REV3L: variants seen among roughly 807,000 people sequenced by gnomAD.
REV3L encodes the protein DNA polymerase zeta catalytic subunit.
Under a neutral mutation model 299.4 loss-of-function variants are expected in REV3L, and 69 were observed. The observed-to-expected ratio is 0.23, with a 90% CI of 0.19 to 0.28. The LOEUF is 0.28. REV3L is among the 10% of genes least tolerant of loss of function. The pLI, the probability that REV3L is intolerant of heterozygous loss-of-function variation, is 1.00. For missense variants in REV3L, 3,128 were observed against 3,693.8 expected (o/e 0.85, Z 3.97); for synonymous variants, 1,238 against 1,271.4 (o/e 0.97, Z 0.56).
chr6:111,338,898 G>GT (rs1487846203), intron 21 of REV3L, among the ~76,000 whole-genome samples: 2 of 151,994 alleles, frequency 1.3e-5, no homozygotes, highest in African/African-American at 4.8e-5. Flanking sequence ...TCACATATTG[G>GT]TTGACAGCAC....
At chr6:111,474,710 A>G (rs1157313203) in intron 1 of REV3L, among the ~76,000 whole-genome samples, 1 of 152,178 alleles carries the variant, frequency 6.6e-6, no homozygotes, top group East Asian at 1.9e-4. Context: ...AAAGTTAAAA[A>G]CAGTATTGCA....
rs17510914 is a variant in REV3L at position 111,373,705 on chromosome 6, T to C, written c.4650A>G (p.Pro1550=). The change falls in exon 13 of 32, where the codon CCA becomes CCG. Residue 1550 remains proline (P), a synonymous_variant. Transcript: ENST00000368802. ...TATTTGGTTGATGTTTATTGGATAA[T>C]GGGTCTTGTGTAGTATTTGCATTTT... ...KAQNANTTQD[P]LSNKHQPNKN... 7.9e-4 allele frequency: 1,283 copies of C among 1,613,886 alleles called. 3 individuals carry two copies. Among genetic ancestry groups the C allele is most frequent in the Middle Eastern group, 2.8e-3 (17 of 6,060 alleles).
chr6:111,448,786 A>AT (rs367755463), intron 1 of REV3L, among the ~76,000 whole-genome samples: 69,026 of 133,440 alleles, frequency 0.52, 21,043 homozygotes, highest in Non-Finnish European at 0.7. Flanking sequence ...ACACTTGGCT[A>AT]TTTTTTTTTT....
chr6:111,399,575 C>T (rs1327717951), intron 4 of REV3L, among the ~76,000 whole-genome samples: 1 of 152,194 alleles, frequency 6.6e-6, no homozygotes, highest in African/African-American at 2.4e-5. Context: ...ATCTGTCTTT[C>T]CTTGCTTTTC....
chr6:111,403,281 A>G (rs6922226), intron 4 of REV3L, among the ~76,000 whole-genome samples: 95,779 of 152,114 alleles, frequency 0.63, 34,160 homozygotes, highest in Non-Finnish European at 0.81. Context: ...GATTTCTTTC[A>G]GAGGTGATGA....
intron 1 of REV3L, among the ~76,000 whole-genome samples, chr6:111,477,262 A>C (rs1230815451): frequency 6.6e-6 from 1 of 152,242 alleles, no homozygotes; most frequent in African/African-American, 2.4e-5. Context: ...TCCAAGAATT[A>C]ATAGACGAGT....
At chr6:111,328,992 C>A (rs1370499730) in intron 25 of REV3L, among the ~76,000 whole-genome samples, 1 of 152,138 alleles carries the variant, frequency 6.6e-6, no homozygotes, top group African/African-American at 2.4e-5. Context: ...GTCTCAAACT[C>A]CTGAGCTCAA....
intron 21 of REV3L, among the ~76,000 whole-genome samples, chr6:111,340,115 GGA>G (rs1431140225): frequency 6.6e-6 from 1 of 152,108 alleles, no homozygotes; most frequent in Non-Finnish European, 1.5e-5. Context: ...AAAGGAGACA[GGA>G]GAATCCCGAG....
intron 24 of REV3L, 32 bp downstream of exon 24, chr6:111,331,644 G>A (rs199588475): frequency 6.9e-7 from 1 of 1,456,570 alleles, no homozygotes; most frequent in Non-Finnish European, 9.6e-7. Context: ...TTAAGCCATA[G>A]TTGTTATCTT....
intron 1 of REV3L, among the ~76,000 whole-genome samples, chr6:111,475,615 T>C (rs766016353): frequency 3.5e-4 from 54 of 152,186 alleles, no homozygotes; most frequent in Non-Finnish European, 6.8e-4. Flanking sequence ...AAGTTGTACA[T>C]TTTTTCATAT....
intron 18 of REV3L, chr6:111,354,243 T>C (rs1467878477): frequency 2.0e-5 from 3 of 152,220 alleles, no homozygotes; most frequent in African/African-American, 7.2e-5. Context: ...ATCTGAATCT[T>C]TCTCATTTAT....
intron 1 of REV3L, among the ~76,000 whole-genome samples, chr6:111,446,930 C>T (rs190832714): frequency 2.4e-4 from 36 of 152,196 alleles, no homozygotes; most frequent in East Asian, 1.2e-3. Flanking sequence ...TGAATAACTT[C>T]GTGTAAATCT....
intron 1 of REV3L, among the ~76,000 whole-genome samples, chr6:111,438,036 T>C (rs1394511262): frequency 6.6e-6 from 1 of 151,690 alleles, no homozygotes; most frequent in Non-Finnish European, 1.5e-5. Context: ...TTATTTTTAT[T>C]TTTTATAGAG....
chr6:111,457,125 A>G (rs1193331564), intron 1 of REV3L, among the ~76,000 whole-genome samples: 1 of 152,066 alleles, frequency 6.6e-6, no homozygotes, highest in Non-Finnish European at 1.5e-5. Flanking sequence ...AGAAAAAAAA[A>G]TTATTGTTAA....
chr6:111,422,649 C>CATATATAT lies in REV3L; in HGVS notation c.140-6185_140-6178dup, dbSNP rs58760555. ...ATATATACACATATATATATATATA[C>CATATATAT]ATATATATATATACATATATATATA... On this transcript the variant is annotated intron_variant, in intron 1 of 31. Transcript: ENST00000368802. Among the ~76,000 whole-genome samples, 2 of 22,502 alleles carry CATATATAT rather than the reference C, an allele frequency of 8.9e-5. 1 individual carries two copies. The highest frequency in any genetic ancestry group is 2.1e-4 in the Non-Finnish European group (2 of 9,442). 14.8% of individuals were successfully genotyped at this position (22,502 alleles called of 152,430 possible).
At chr6:111,476,002 T>C (rs1230355632) in intron 1 of REV3L, among the ~76,000 whole-genome samples, 1 of 152,230 alleles carries the variant, frequency 6.6e-6, no homozygotes, top group Non-Finnish European at 1.5e-5. Context: ...GGATCCATTT[T>C]CATATACAAG....
Position 111,397,354 on chromosome 6 carries a change from T to C in REV3L, c.566-4382A>G, listed in dbSNP as rs188029283. ...AAATTTTTAAATTTCCTTCTTAATT[T>C]CTTCATTGATCCAATAAAGGTTCAG... is the stretch of plus-strand genomic sequence containing the variant. On this transcript the variant is annotated intron_variant, in intron 4 of 31. Transcript: ENST00000368802. Among the ~76,000 whole-genome samples, 330 of 152,298 alleles carry C rather than the reference T, an allele frequency of 2.2e-3. 1 individual carries two copies. The highest frequency in any genetic ancestry group is 7.5e-3 in the African/African-American group (311 of 41,576).
At chr6:111,430,654 G>A in intron 1 of REV3L, 5 of 1,519,140 alleles carry the variant, frequency 3.3e-6, no homozygotes, top group Non-Finnish European at 4.6e-6. Context: ...AGAAGAGAGA[G>A]GACTCTGGAG....
At position 111,309,924 on chromosome 6, in the gene REV3L, G is replaced by A; in HGVS notation, c.8971C>T (p.Leu2991Phe). 10 of 1,614,076 alleles carry A rather than the reference G, an allele frequency of 6.2e-6. No homozygotes were observed. The highest frequency in any genetic ancestry group is 8.5e-6 in the Non-Finnish European group (10 of 1,179,990). ...NATYYITKQI[L>F]PPLARIFSLI... ...GAGAAGATTCTTGCCAAGGGTGGAA[G>A]GATTTGCTTGGTAATATAGTAAGTA... Residue 2991 changes from leucine (L) to phenylalanine (F), a missense_variant, in exon 30 of 32, where the codon CTT (leucine) becomes TTT (phenylalanine). Around this residue, in one of 9 missense-constraint regions of REV3L, gnomAD observed 294 missense variants for 377.0 expected, o/e 0.78. Coordinates refer to ENST00000368802, the MANE Select transcript of REV3L (RefSeq NM_001372078.1).
Sources: allele counts gnomAD v4.1 joint callset (sites outside exome capture counted in the v4.1 genomes callset), GRCh38; gene constraint gnomAD v4.1.1; regional missense constraint gnomAD v4.1.1; transcripts MANE v1.5; gene names NCBI Gene and HGNC (gene_info 2026-07-23, HGNC 2026-07-21).